The following XKR9 variants were observed in gnomAD, a reference collection of about 807,000 sequenced individuals.
XKR9 encodes the protein XK-related protein 9.
XKR9 carries 32 observed loss-of-function variants against 32.0 expected under a neutral mutation model. The ratio of observed to expected loss-of-function variants is 1.00; its 90% CI spans 0.76 to 1.34. The LOEUF is 1.34. XKR9 is among the 40% of genes most tolerant of loss of function. The pLI, the probability that XKR9 is intolerant of heterozygous loss-of-function variation, is 0.00. For synonymous variants in XKR9, 168 were observed against 143.4 expected, an observed-to-expected ratio of 1.17 and a Z score of -1.22; for missense variants, 546 against 429.7, an observed-to-expected ratio of 1.27 and a Z score of -2.39.
chr8:70,820,794 G>T, the XKR9 span, among the ~76,000 whole-genome samples: 1 of 152,306 alleles, frequency 6.6e-6, no homozygotes, highest in Middle Eastern at 3.4e-3. Context: ...CACATGAAGA[G>T]CATGGGGGAA....
chr8:70,853,547 T>C, the XKR9 span, among the ~76,000 whole-genome samples: 2 of 152,058 alleles, frequency 1.3e-5, no homozygotes, highest in South Asian at 4.2e-4. Flanking sequence ...AGACATTCTT[T>C]TTTTTTTAAA....
the XKR9 span, among the ~76,000 whole-genome samples, chr8:70,860,390 G>A: frequency 6.6e-6 from 1 of 152,030 alleles, no homozygotes; most frequent in Non-Finnish European, 1.5e-5. Context: ...AGCAAAACCT[G>A]ACCAACTATG....
chr8:70,812,572 C>G, the XKR9 span, among the ~76,000 whole-genome samples: 6 of 152,178 alleles, frequency 3.9e-5, no homozygotes, highest in African/African-American at 1.4e-4. Flanking sequence ...TCTCCTTAAG[C>G]TGATAAGCAA....
the XKR9 span, among the ~76,000 whole-genome samples, chr8:70,886,958 C>T: frequency 2.6e-5 from 4 of 152,276 alleles, no homozygotes; most frequent in African/African-American, 9.6e-5. Flanking sequence ...GAAATCTTCG[C>T]TTATGCCTAT....
chr8:70,772,697 TTATTA>T (rs898348420), intron 2 of XKR9, among the ~76,000 whole-genome samples: 1 of 152,192 alleles, frequency 6.6e-6, no homozygotes, highest in Non-Finnish European at 1.5e-5. Flanking sequence ...CTTTTAAAAA[TTATTA>T]TATTTATGTA....
intron 4 of XKR9, among the ~76,000 whole-genome samples, chr8:70,730,588 A>T (rs1030417391): frequency 4.1e-5 from 3 of 72,456 alleles, no homozygotes; most frequent in Non-Finnish European, 9.2e-5. Context: ...TTTTTTTTTT[A>T]AATAAGATTT....
chr8:70,915,876 G>T, the XKR9 span, among the ~76,000 whole-genome samples: 1 of 152,164 alleles, frequency 6.6e-6, no homozygotes, highest in African/African-American at 2.4e-5. Context: ...TAAATAGCCA[G>T]GCTTTTCCGA....
the XKR9 span, among the ~76,000 whole-genome samples, chr8:70,855,230 A>C: frequency 6.6e-6 from 1 of 152,144 alleles, no homozygotes; most frequent in African/African-American, 2.4e-5. Context: ...AGAACCTCAA[A>C]AAAAAATTAG....
chr8:70,885,760 CTAATTTTTTG>C, the XKR9 span, among the ~76,000 whole-genome samples: 1 of 152,110 alleles, frequency 6.6e-6, no homozygotes, highest in Non-Finnish European at 1.5e-5. Flanking sequence ...CCACGCCCGG[CTAATTTTTTG>C]TATTTTTAGT....
At chr8:70,755,559 C>A (rs925933870) in intron 2 of XKR9, among the ~76,000 whole-genome samples, 1 of 152,026 alleles carries the variant, frequency 6.6e-6, no homozygotes, top group Non-Finnish European at 1.5e-5. Context: ...CACATATACA[C>A]CATGGAATAC....
the XKR9 span, among the ~76,000 whole-genome samples, chr8:70,929,515 G>A: frequency 1.1e-4 from 16 of 152,292 alleles, no homozygotes; most frequent in African/African-American, 1.4e-4. Context: ...AGAAATCAAC[G>A]TGTAGGTCAG....
chr8:70,850,190 G>A, the XKR9 span, among the ~76,000 whole-genome samples: 4 of 151,958 alleles, frequency 2.6e-5, no homozygotes, highest in South Asian at 2.1e-4. Flanking sequence ...GGCTGGGCAC[G>A]GTGGCTCACA....
chr8:70,913,915 G>A, the XKR9 span, among the ~76,000 whole-genome samples: 19 of 152,040 alleles, frequency 1.2e-4, no homozygotes, highest in African/African-American at 4.6e-4. Context: ...TCTATGTTGT[G>A]TGTAACAGTA....
chr8:70,821,935 A>G, the XKR9 span, among the ~76,000 whole-genome samples: 1 of 152,172 alleles, frequency 6.6e-6, no homozygotes, highest in African/African-American at 2.4e-5. Context: ...TTGATTCCTC[A>G]TTACTTATGC....
At chr8:70,987,123 T>A in the XKR9 span, among the ~76,000 whole-genome samples, 1 of 152,088 alleles carries the variant, frequency 6.6e-6, no homozygotes. Flanking sequence ...TATGGGAGTA[T>A]AATTCAAGAT....
At chr8:70,885,330 G>A in the XKR9 span, among the ~76,000 whole-genome samples, 6 of 152,026 alleles carry the variant, frequency 3.9e-5, no homozygotes, top group Non-Finnish European at 8.8e-5. Flanking sequence ...TGACTTATGG[G>A]TTGATTGATT....
At chr8:70,740,660 C>G (rs1439202119), downstream of XKR9, among the ~76,000 whole-genome samples, 1 of 152,034 alleles carries the variant, frequency 6.6e-6, no homozygotes, top group Non-Finnish European at 1.5e-5. Context: ...GATGTCCTTT[C>G]TGTTTGTTAG....
At chr8:70,669,664 A>AT (rs11335556) in intron 1 of XKR9, 126 bp downstream of exon 1, 2,510 of 84,440 alleles carry the variant, frequency 0.03, 390 homozygotes, top group African/African-American at 0.11. Flanking sequence ...TAGCCTGTTC[A>AT]TTTTTTTTTT....
At chr8:70,845,745 CA>C in the XKR9 span, among the ~76,000 whole-genome samples, 1 of 151,734 alleles carries the variant, frequency 6.6e-6, no homozygotes, top group Non-Finnish European at 1.5e-5. Flanking sequence ...CCTAGTCAAA[CA>C]AAAACAAACA....
Sources: allele counts gnomAD v4.1 joint callset (sites outside exome capture counted in the v4.1 genomes callset), GRCh38; gene constraint gnomAD v4.1.1; transcripts MANE v1.5; gene names NCBI Gene and HGNC (gene_info 2026-07-23, HGNC 2026-07-21).